NHS: variants seen among roughly 807,000 people sequenced by gnomAD.
NHS encodes NHS actin remodeling regulator.
Under a neutral mutation model 72.5 loss-of-function variants are expected in NHS, and 5 were observed. The ratio of observed to expected loss-of-function variants is 0.07; its 90% CI spans 0.04 to 0.14. The LOEUF is 0.14. Ranked by LOEUF, NHS falls within the 10% of genes least tolerant of loss-of-function variation. The pLI is 1.00. For missense variants in NHS, 1,072 were observed against 1,355.7 expected, an observed-to-expected ratio of 0.79 and a Z score of 3.29; for synonymous variants, 464 against 547.7, an observed-to-expected ratio of 0.85 and a Z score of 2.13.
chrX:17,617,246 C>G (rs762221058), intron 1 of NHS, among the ~76,000 whole-genome samples: 2 of 112,035 alleles, frequency 1.8e-5, no homozygotes, highest in African/African-American at 6.5e-5. Flanking sequence ...CCACACTGAT[C>G]TGTGCTTCCT....
At chrX:17,522,938 G>T (rs1328824701) in intron 1 of NHS, among the ~76,000 whole-genome samples, 1 of 111,744 alleles carries the variant, frequency 8.9e-6, no homozygotes, top group African/African-American at 3.3e-5. Flanking sequence ...ACATCAAGAA[G>T]TCAGGTTTGC....
chrX:17,606,757 C>T (rs2065681637), intron 1 of NHS, among the ~76,000 whole-genome samples: 1 of 111,994 alleles, frequency 8.9e-6, no homozygotes, highest in African/African-American at 3.3e-5. Context: ...TTTCGTTTTA[C>T]TGAGCATATT....
chrX:17,707,071 T>C (rs1177896576), intron 3 of NHS, among the ~76,000 whole-genome samples: 2 of 111,807 alleles, frequency 1.8e-5, no homozygotes, highest in African/African-American at 6.5e-5. Flanking sequence ...AGTCCTTGCT[T>C]AGATTCTGAT....
chrX:17,675,595 G>A (rs1379325818), intron 1 of NHS, among the ~76,000 whole-genome samples: 2 of 111,622 alleles, frequency 1.8e-5, no homozygotes, highest in Non-Finnish European at 3.8e-5. Flanking sequence ...GGCAGCAAAT[G>A]TGCAAGATGA....
At chrX:17,723,768 T>TGTGTGTGTGC (rs1556037799) in intron 5 of NHS, among the ~76,000 whole-genome samples, 1 of 93,995 alleles carries the variant, frequency 1.1e-5, no homozygotes, top group Admixed American at 1.1e-4. Context: ...TGTGTGTGTG[T>TGTGTGTGTGC]GTGCGCGCGC....
chrX:17,473,367 A>G (rs1461596140), intron 1 of NHS, among the ~76,000 whole-genome samples: 2 of 112,543 alleles, frequency 1.8e-5, no homozygotes, highest in African/African-American at 6.5e-5. Flanking sequence ...CCAATTTATT[A>G]TCCACCCAGA....
At chrX:17,390,648 C>G (rs1466059855) in intron 1 of NHS, among the ~76,000 whole-genome samples, 2 of 111,953 alleles carry the variant, frequency 1.8e-5, no homozygotes, top group East Asian at 5.6e-4. Flanking sequence ...CAAACAGTAT[C>G]ACTTGTGTTA....
intron 1 of NHS, among the ~76,000 whole-genome samples, chrX:17,534,533 A>G (rs1393406100): frequency 9.0e-6 from 1 of 110,961 alleles, no homozygotes; most frequent in Admixed American, 9.6e-5. Context: ...AGAAGTTAAA[A>G]TTCTAGTTAT....
At chrX:17,376,447 T>C in intron 1 of NHS, 125 bp downstream of exon 1, 1 of 617,416 alleles carries the variant, frequency 1.6e-6, no homozygotes, top group Non-Finnish European at 2.5e-6. Flanking sequence ...CTTACTACTC[T>C]CGCCTTCCCA....
intron 1 of NHS, among the ~76,000 whole-genome samples, chrX:17,659,569 C>G (rs1294879897): frequency 8.9e-6 from 1 of 111,976 alleles, no homozygotes; most frequent in Non-Finnish European, 1.9e-5. Context: ...TTCTACCATG[C>G]TATGTTGACC....
At chrX:17,458,402 T>A (rs1332566148) in intron 1 of NHS, among the ~76,000 whole-genome samples, 3 of 111,162 alleles carry the variant, frequency 2.7e-5, no homozygotes, top group Non-Finnish European at 5.7e-5. Context: ...CTAATTTTTT[T>A]ATTTTTAGTA....
intron 1 of NHS, among the ~76,000 whole-genome samples, chrX:17,604,519 A>G (rs771334901): frequency 8.9e-6 from 1 of 112,059 alleles, no homozygotes; most frequent in South Asian, 3.7e-4. Flanking sequence ...GCGATCCTTT[A>G]TAGGGCAGGC....
intron 1 of NHS, among the ~76,000 whole-genome samples, chrX:17,658,020 G>A (rs1469267210): frequency 8.9e-6 from 1 of 112,764 alleles, no homozygotes; most frequent in Admixed American, 9.3e-5. Context: ...GAAGGGGGCC[G>A]CCTCCAGCTG....
At chrX:17,396,707 C>T (rs746257725) in intron 1 of NHS, among the ~76,000 whole-genome samples, 6 of 111,946 alleles carry the variant, frequency 5.4e-5, no homozygotes, top group Non-Finnish European at 1.1e-4. Flanking sequence ...CTCTGCTCTA[C>T]AGTTATTGGG....
intron 1 of NHS, among the ~76,000 whole-genome samples, chrX:17,572,745 C>A (rs2065488380): frequency 9.0e-6 from 1 of 110,566 alleles, no homozygotes; most frequent in South Asian, 3.8e-4. Flanking sequence ...TTATTTCACC[C>A]ATTAGTTGAT....
At chrX:17,638,846 C>T (rs773290652) in intron 1 of NHS, among the ~76,000 whole-genome samples, 3 of 111,737 alleles carry the variant, frequency 2.7e-5, no homozygotes, top group Non-Finnish European at 3.8e-5. Flanking sequence ...TCTCCATTTG[C>T]ATGTCTTGGG....
intron 1 of NHS, among the ~76,000 whole-genome samples, chrX:17,615,788 C>A: frequency 1.0e-5 from 1 of 95,516 alleles, no homozygotes; most frequent in African/African-American, 3.9e-5. Flanking sequence ...CACCCCCCCA[C>A]CCCACCGACA....
Position 17,726,083 on chromosome X carries a change from C to CTCT in NHS, c.1980_1982dup (p.Ser661dup). ...CTGCAGCTTCTCCTCCACTCACTGGCTCTTCACACTGTGACTCGGAGTTGT... is the reference window on the plus strand; with the variant it reads ...CTGCAGCTTCTCCTCCACTCACTGGCTCTTCTTCACACTGTGACTCGGAGTTGT... On this transcript the variant is annotated inframe_insertion, in exon 7 of 9. Transcript: ENST00000676302. 8.3e-7 allele frequency: 1 copy of CTCT among 1,212,077 alleles called. No individual in the cohort carries two copies. The highest frequency in any genetic ancestry group is 1.1e-6 in the Non-Finnish European group (1 of 895,575).
chrX:17,385,312 G>A (rs1161231189), intron 1 of NHS, among the ~76,000 whole-genome samples: 14 of 111,159 alleles, frequency 1.3e-4, no homozygotes, highest in Non-Finnish European at 2.4e-4. Context: ...CCAGGAGTTC[G>A]AGACTAGACT....
Sources: gnomAD v4.1 joint callset for allele counts (sites outside exome capture counted in the v4.1 genomes callset) on GRCh38, gnomAD v4.1.1 for gene constraint, MANE v1.5 for transcripts, NCBI Gene and HGNC (gene_info 2026-07-23, HGNC 2026-07-21) for gene names.